Variants in BEST3 observed in about 807,000 individuals in gnomAD.
BEST3 encodes the protein bestrophin 3, also known as bestrophin-3.
In BEST3, 50 loss-of-function variants were observed where a neutral mutation model predicts 47.1. That is an observed-to-expected ratio of 1.06 (90% CI 0.85 to 1.34). The LOEUF (loss-of-function observed/expected upper bound fraction) is 1.34, where lower values mean the gene tolerates loss of function less well. BEST3 is among the 40% of genes most tolerant of loss of function. BEST3 has a pLI of 0.00. For synonymous variants in BEST3, 282 were observed against 298.8 expected, an observed-to-expected ratio of 0.94 and a Z score of 0.58; for missense variants, 765 against 817.0, an observed-to-expected ratio of 0.94 and a Z score of 0.78.
At chr12:69,668,625 G>A (rs1231010362) in intron 9 of BEST3, among the ~76,000 whole-genome samples, 3 of 152,194 alleles carry the variant, frequency 2.0e-5, no homozygotes, top group South Asian at 2.1e-4. Context: ...CTAGCCCAGC[G>A]AAACCATTCA....
chr12:69,657,753 C>T (rs776311694), intron 9 of BEST3, among the ~76,000 whole-genome samples: 6 of 152,130 alleles, frequency 3.9e-5, no homozygotes, highest in East Asian at 1.9e-4. Context: ...GCCAAAGAAA[C>T]GTCGTTCCTC....
At chr12:69,666,325 A>C (rs1355499016) in intron 9 of BEST3, among the ~76,000 whole-genome samples, 1 of 152,098 alleles carries the variant, frequency 6.6e-6, no homozygotes, top group Non-Finnish European at 1.5e-5. Flanking sequence ...GCCCGGTTTG[A>C]ATTTTTCTAC....
Position 69,672,935 on chromosome 12 carries a change from C to T in BEST3, c.898G>A (p.Glu300Lys). Residue 300 changes from glutamate (E) to lysine (K), a missense_variant, in exon 8 of 10, where the codon GAA (glutamate) becomes AAA (lysine). By Grantham distance (56) the Glu-to-Lys change is moderately conservative. Transcript: ENST00000330891. Reference protein sequence around the residue: ...VAEQLINPFGEDDDDFETNWC... With the variant: ...VAEQLINPFGKDDDDFETNWC... The stretch of plus-strand genomic sequence containing the variant: ...TTAGTTTCAAAATCATCATCATCTT[C>T]TCCAAAAGGGTTGATAAGCTGCTCT... 1.2e-6 allele frequency: 2 copies of T among 1,613,542 alleles called. No homozygotes were observed. The highest frequency in any genetic ancestry group is 3.3e-4 in the Middle Eastern group (2 of 6,062).
Position 69,654,974 on chromosome 12 carries a change from T to G in BEST3, c.1940A>C (p.Glu647Ala). ...ATCTGTTTCCTTGGTGTCCAGGTTT[T>G]CCATTAAATACAGCATATCAGAAGA... ...RVSSDMLYLM[E>A]NLDTKETDII... Residue 647 changes from glutamate (E) to alanine (A), a missense_variant, in exon 10 of 10, where the codon GAA becomes GCA. Transcript: ENST00000330891. 1 of 1,614,070 alleles carries G rather than the reference T, an allele frequency of 6.2e-7. No individual in the cohort carries two copies. Among genetic ancestry groups the G allele is most frequent in the South Asian group, 1.1e-5 (1 of 91,080 alleles).
In BEST3 at chr12:69,672,925, T is replaced by A. The variant is rs190084143; in HGVS notation, c.908A>T (p.Asp303Val). ...AATGCACCAGTTAGTTTCAAAATCATCATCATCTTCTCCAAAAGGGTTGAT... is the reference window on the plus strand; with the variant it reads ...AATGCACCAGTTAGTTTCAAAATCAACATCATCTTCTCCAAAAGGGTTGAT... ...QLINPFGEDD[D>V]DFETNWCIDR... Residue 303 changes from aspartate (D) to valine (V), a missense_variant, in exon 8 of 10, where the codon GAT becomes GTT. Transcript: ENST00000330891. The A allele has an allele frequency of 3.7e-6, 6 of 1,613,650 alleles. No individual in the cohort carries two copies. Among genetic ancestry groups the A allele is most frequent in the Admixed American group, 1.7e-5 (1 of 59,952 alleles).
intron 4 of BEST3, among the ~76,000 whole-genome samples, chr12:69,679,942 A>G (rs1336460197): frequency 7.0e-6 from 1 of 142,186 alleles, no homozygotes; most frequent in African/African-American, 2.5e-5. Flanking sequence ...TGTGTGTAAA[A>G]TGCAATTTGC....
Position 69,655,003 on chromosome 12 carries a change from T to C in BEST3, c.1911A>G (p.Arg637=), listed in dbSNP as rs775417169. Residue 637 remains arginine, a synonymous_variant, in exon 10 of 10, where the codon CGA becomes CGG. Coordinates refer to ENST00000330891, the MANE Select transcript of BEST3 (RefSeq NM_032735.3). ...ISGINIVAGS[R]VSSDMLYLME... is the part of the protein sequence containing the mutation. ...TTAAATACAGCATATCAGAAGAGAC[T>C]CGAGAGCCAGCCACAATGTTGATCC... 4 of 1,614,108 alleles carry C rather than the reference T, an allele frequency of 2.5e-6. No individual in the cohort carries two copies. The South Asian group carries it at 4.4e-5, about 18-fold the overall frequency.
chr12:69,667,840 T>C (rs17106921), intron 9 of BEST3, among the ~76,000 whole-genome samples: 5,604 of 152,240 alleles, frequency 0.037, 159 homozygotes, highest in African/African-American at 0.07. Context: ...TACCTCATAG[T>C]AGGCCCTGAA....
intron 9 of BEST3, 82 bp downstream of exon 9, chr12:69,671,342 ATTTC>A: frequency 8.4e-7 from 1 of 1,194,552 alleles, no homozygotes; most frequent in Non-Finnish European, 1.1e-6. Flanking sequence ...AAATTATTTT[ATTTC>A]TTTTTTTTTT....
chr12:69,679,090 T>C (rs1219014793), intron 4 of BEST3, among the ~76,000 whole-genome samples, 197 bp from the exon 5 acceptor site: 2 of 152,136 alleles, frequency 1.3e-5, no homozygotes, highest in African/African-American at 4.8e-5. Flanking sequence ...CACACACACA[T>C]ACATATACAT....
At chr12:69,665,107 C>T (rs1157739065) in intron 9 of BEST3, among the ~76,000 whole-genome samples, 2 of 125,848 alleles carry the variant, frequency 1.6e-5, no homozygotes, top group Admixed American at 7.9e-5. Context: ...AAGTGAAATT[C>T]AGTAAAAGGG....
chr12:69,652,781 TAAAGAGAAGA>T (rs1883251205), downstream of BEST3, among the ~76,000 whole-genome samples: 1 of 152,136 alleles, frequency 6.6e-6, no homozygotes, highest in African/African-American at 2.4e-5. Flanking sequence ...CAGACAGAGC[TAAAGAGAAGA>T]GAATAGACAG....
chr12:69,653,829 A>G lies in BEST3; in HGVS notation c.*1078T>C, dbSNP rs878869900. ...GCTCCAGTATCCTGCCCATTCCCAA[A>G]TGACCCGATAGACACAGTAACTGGT... On this transcript the variant is annotated 3_prime_UTR_variant, in exon 10 of 10. Coordinates refer to ENST00000330891, the MANE Select transcript of BEST3 (RefSeq NM_032735.3). 2 of 985,432 alleles carry G rather than the reference A, an allele frequency of 2.0e-6. No homozygotes were observed. The allele number at this position is 985,432 out of a possible 1,614,324, so 61.0% of individuals were successfully genotyped here. A position where few individuals can be genotyped will look rare whatever the true frequency, so the allele number is the denominator to read the frequency against.
At chr12:69,667,943 G>A (rs1337808477) in intron 9 of BEST3, among the ~76,000 whole-genome samples, 1 of 152,184 alleles carries the variant, frequency 6.6e-6, no homozygotes, top group Non-Finnish European at 1.5e-5. Flanking sequence ...TAGAAAGAAG[G>A]AAAATTAATT....
intron 4 of BEST3, among the ~76,000 whole-genome samples, chr12:69,688,331 G>C (rs949134836): frequency 6.6e-5 from 10 of 152,226 alleles, no homozygotes; most frequent in African/African-American, 1.7e-4. Flanking sequence ...AACAGAGACT[G>C]TTGCAGTTTC....
chr12:69,670,270 T>G, intron 9 of BEST3: 1 of 584,882 alleles, frequency 1.7e-6, no homozygotes, highest in Non-Finnish European at 3.0e-6. Flanking sequence ...ATGAGCTCTC[T>G]GGCCTGGAAG....
At chr12:69,676,636 T>A (rs1166149299) in intron 7 of BEST3, among the ~76,000 whole-genome samples, 1 of 152,184 alleles carries the variant, frequency 6.6e-6, no homozygotes, top group East Asian at 1.9e-4. Context: ...CTACTTTAGT[T>A]ACATTATTAT....
At chr12:69,656,306 G>A (rs918427236) in intron 9 of BEST3, among the ~76,000 whole-genome samples, 2 of 152,026 alleles carry the variant, frequency 1.3e-5, no homozygotes, top group Non-Finnish European at 2.9e-5. Flanking sequence ...ACTACACTTT[G>A]AGAATCACCG....
intron 4 of BEST3, chr12:69,684,517 G>A: frequency 1.6e-6 from 1 of 621,098 alleles, no homozygotes; most frequent in Non-Finnish European, 3.1e-6. Flanking sequence ...TGCCTTTCAA[G>A]CAGAGTATTC....
Sources: gnomAD v4.1 joint callset for allele counts (sites outside exome capture counted in the v4.1 genomes callset) on GRCh38, gnomAD v4.1.1 for gene constraint, MANE v1.5 for transcripts, NCBI Gene and HGNC (gene_info 2026-07-23, HGNC 2026-07-21) for gene names.